The following KCNAB1 variants were observed in gnomAD, a reference collection of about 807,000 sequenced individuals.
The protein encoded by KCNAB1 is potassium voltage-gated channel subfamily A regulatory beta subunit 1.
Under a neutral mutation model 64.6 loss-of-function variants are expected in KCNAB1, and 35 were observed. That is an observed-to-expected ratio of 0.54 (90% confidence interval 0.41 to 0.72). The LOEUF (loss-of-function observed/expected upper bound fraction) is 0.72. KCNAB1 is among the 30% of genes least tolerant of loss of function. The pLI is 0.00. For missense variants in KCNAB1, 401 were observed against 512.9 expected (o/e 0.78, Z 2.11); for synonymous variants, 177 against 183.8 (o/e 0.96, Z 0.30).
chr3:156,218,874 T>C (rs974994424), intron 1 of KCNAB1, among the ~76,000 whole-genome samples: 14 of 150,986 alleles, frequency 9.3e-5, no homozygotes, highest in South Asian at 2.1e-4. Context: ...TCACTGCAGT[T>C]TGGCTCTCAG....
intron 8 of KCNAB1, among the ~76,000 whole-genome samples, chr3:156,504,745 T>G (rs1467177046): frequency 6.1e-5 from 8 of 130,884 alleles, no homozygotes; most frequent in Non-Finnish European, 1.3e-4. Flanking sequence ...TGTTTTTGTT[T>G]TTTTTGTTTT....
intron 8 of KCNAB1, among the ~76,000 whole-genome samples, chr3:156,483,555 A>G (rs529195100): frequency 7.0e-4 from 106 of 152,198 alleles, no homozygotes; most frequent in Middle Eastern, 3.4e-3. Context: ...TAGTTTTACC[A>G]TGCTCATCAT....
chr3:156,144,257 A>G (rs1036963217), intron 1 of KCNAB1, among the ~76,000 whole-genome samples: 3 of 152,308 alleles, frequency 2.0e-5, no homozygotes, highest in East Asian at 1.9e-4. Context: ...CCTAGCTCAT[A>G]TCAAAACTTC....
intron 1 of KCNAB1, among the ~76,000 whole-genome samples, chr3:156,192,797 T>C (rs1713639623): frequency 6.6e-6 from 1 of 152,142 alleles, no homozygotes; most frequent in Non-Finnish European, 1.5e-5. Flanking sequence ...AATATTATTA[T>C]AGCTAATCTG....
At chr3:156,468,816 C>T (rs1331271469) in intron 7 of KCNAB1, among the ~76,000 whole-genome samples, 1 of 152,200 alleles carries the variant, frequency 6.6e-6, no homozygotes, top group Non-Finnish European at 1.5e-5. Context: ...CCAAATTCCT[C>T]ACCCAAACAG....
intron 7 of KCNAB1, among the ~76,000 whole-genome samples, chr3:156,469,117 A>G (rs560309846): frequency 6.6e-6 from 1 of 152,346 alleles, no homozygotes; most frequent in East Asian, 1.9e-4. Context: ...GGCAGTTAGC[A>G]AAGAAATATA....
chr3:156,266,955 A>G (rs903194705), intron 1 of KCNAB1, among the ~76,000 whole-genome samples: 3 of 152,266 alleles, frequency 2.0e-5, no homozygotes, highest in East Asian at 3.9e-4. Context: ...GCTCCCCATT[A>G]CAGAAAGCAT....
chr3:156,200,734 T>C (rs1384639375), intron 1 of KCNAB1, among the ~76,000 whole-genome samples: 1 of 152,208 alleles, frequency 6.6e-6, no homozygotes, highest in African/African-American at 2.4e-5. Flanking sequence ...CAGTTGTCCT[T>C]AGCTTGCTGC....
intron 1 of KCNAB1, among the ~76,000 whole-genome samples, chr3:156,401,696 T>C (rs912179444): frequency 6.6e-6 from 1 of 152,222 alleles, no homozygotes; most frequent in South Asian, 2.1e-4. Context: ...TTCTCTTTTT[T>C]CAGAACAGCA....
intron 1 of KCNAB1, among the ~76,000 whole-genome samples, chr3:156,202,411 CTG>C (rs1334549553): frequency 3.9e-5 from 6 of 152,238 alleles, no homozygotes; most frequent in Non-Finnish European, 8.8e-5. Flanking sequence ...AGCCCAGCAA[CTG>C]TGTCTTCCCT....
chr3:156,380,490 CA>C (rs538819745), intron 1 of KCNAB1, among the ~76,000 whole-genome samples: 2 of 152,106 alleles, frequency 1.3e-5, no homozygotes, highest in Non-Finnish European at 2.9e-5. Context: ...AACTATTTCA[CA>C]AAAAACTAGC....
At chr3:156,263,498 G>A (rs1213200593) in intron 1 of KCNAB1, among the ~76,000 whole-genome samples, 8 of 151,876 alleles carry the variant, frequency 5.3e-5, no homozygotes, top group Non-Finnish European at 1.0e-4. Flanking sequence ...TATTTTTATA[G>A]CATGAACCCT....
intron 1 of KCNAB1, among the ~76,000 whole-genome samples, chr3:156,233,101 G>A (rs1019394675): frequency 2.0e-5 from 3 of 152,140 alleles, no homozygotes; most frequent in South Asian, 2.1e-4. Context: ...GCCAGGTACT[G>A]TTTTAGACAC....
intron 1 of KCNAB1, among the ~76,000 whole-genome samples, chr3:156,333,520 G>A (rs546684168): frequency 5.3e-5 from 8 of 151,684 alleles, no homozygotes; most frequent in Non-Finnish European, 8.8e-5. Context: ...TATAATTGAC[G>A]TAGAGACTTC....
intron 2 of KCNAB1, among the ~76,000 whole-genome samples, chr3:156,440,860 G>A (rs975490403): frequency 1.2e-4 from 18 of 152,034 alleles, no homozygotes; most frequent in Non-Finnish European, 2.6e-4. Flanking sequence ...CATGAAAACT[G>A]GGTAAATTTG....
Position 156,246,086 on chromosome 3 carries a change from G to A in KCNAB1, c.275+125200G>A, listed in dbSNP as rs563379687. Among the ~76,000 whole-genome samples, 260 of 152,270 alleles carry A rather than the reference G, an allele frequency of 1.7e-3. 2 individuals carry two copies. Among genetic ancestry groups the A allele is most frequent in the African/African-American group, 5.1e-3 (213 of 41,548 alleles). On this transcript the variant is annotated intron_variant, in intron 1 of 13. Transcript: ENST00000490337. ...AAGAATTAATGAATCAACAGCATGC[G>A]TAAATAGAGAGGCGATGGAGATCTG...
chr3:156,195,925 AT>A (rs1363813038), intron 1 of KCNAB1, among the ~76,000 whole-genome samples: 3 of 152,176 alleles, frequency 2.0e-5, no homozygotes, highest in Admixed American at 2.0e-4. Flanking sequence ...TTTAGGTTTT[AT>A]GCTTAAGTCT....
chr3:156,305,652 G>A (rs1721448078), intron 1 of KCNAB1, among the ~76,000 whole-genome samples: 1 of 152,178 alleles, frequency 6.6e-6, no homozygotes, highest in Non-Finnish European at 1.5e-5. Context: ...CACAGTTTCT[G>A]TTATATCTAC....
intron 8 of KCNAB1, among the ~76,000 whole-genome samples, chr3:156,495,796 G>A (rs899108695): frequency 6.6e-6 from 1 of 152,094 alleles, no homozygotes; most frequent in African/African-American, 2.4e-5. Context: ...CACCTTACAG[G>A]TACCATATGT....
Sources: allele counts gnomAD v4.1 joint callset (sites outside exome capture counted in the v4.1 genomes callset), GRCh38; gene constraint gnomAD v4.1.1; transcripts MANE v1.5; gene names NCBI Gene and HGNC (gene_info 2026-07-23, HGNC 2026-07-21).